The following DISP3 variants were observed in gnomAD, a reference collection of about 807,000 sequenced individuals.
The protein encoded by DISP3 is protein dispatched homolog 3.
In DISP3, 101 loss-of-function variants were observed where a neutral mutation model predicts 135.3. The observed-to-expected ratio is 0.75, with a 90% CI of 0.64 to 0.88. The LOEUF is 0.88. DISP3 is among the 40% of genes least tolerant of loss of function. The pLI, the probability that DISP3 is intolerant of heterozygous loss-of-function variation, is 0.00. For synonymous variants in DISP3, 856 were observed against 817.0 expected, an observed-to-expected ratio of 1.05 and a Z score of -0.81; for missense variants, 1,713 against 1,878.6, an observed-to-expected ratio of 0.91 and a Z score of 1.63.
chr1:11,503,970 C>A (rs1367280071), intron 3 of DISP3, among the ~76,000 whole-genome samples: 2 of 152,234 alleles, frequency 1.3e-5, no homozygotes, highest in East Asian at 3.9e-4. Flanking sequence ...GGTCCCTCCC[C>A]ACCAGAACAG....
intron 2 of DISP3, among the ~76,000 whole-genome samples, chr1:11,502,393 G>C (rs1030780188): frequency 2.6e-5 from 4 of 152,210 alleles, no homozygotes; most frequent in African/African-American, 9.6e-5. Context: ...AAAAGGGCCA[G>C]GATGTGGTTA....
At chr1:11,502,940 G>T (rs1641593187) in intron 3 of DISP3, 43 bp downstream of exon 3, 2 of 1,510,768 alleles carry the variant, frequency 1.3e-6, no homozygotes, top group East Asian at 2.3e-5. Flanking sequence ...GCCCATTTTT[G>T]ATTTCCAATT....
chr1:11,534,408 C>A lies in DISP3; in HGVS notation c.3403C>A (p.Gln1135Lys). Reference sequence around the variant, plus strand: ...CACGTACAAGGGCAAATCCTCCTTCCAGACCTACTCGGACTACCTGCGCTG... The same window carrying A: ...CACGTACAAGGGCAAATCCTCCTTCAAGACCTACTCGGACTACCTGCGCTG... ...STTYKGKSSFQTYSDYLRWES... is the reference protein window; with the variant it reads ...STTYKGKSSFKTYSDYLRWES... Residue 1135 changes from glutamine to lysine, a missense_variant, in exon 18 of 21, where the codon CAG becomes AAG. Gln to Lys is a moderately conservative substitution (Grantham distance 53, BLOSUM62 1). Transcript: ENST00000294484. 1.2e-6 allele frequency: 2 copies of A among 1,614,260 alleles called. No individual in the cohort carries two copies. The highest frequency in any genetic ancestry group is 1.7e-6 in the Non-Finnish European group (2 of 1,180,050).
rs191217092 is a variant in DISP3 at position 11,495,464 on chromosome 1, C to T, written c.-3-5526C>T. On this transcript the variant is annotated intron_variant, in intron 1 of 20. Transcript: ENST00000294484. ...TTTGAGTCCAGAAGCCATCTCACCC[C>T]AGGTCTGGTTGTTTCCTGGGGCTGC... is the stretch of plus-strand genomic sequence containing the variant. 1.2e-3 allele frequency among the ~76,000 whole-genome samples: 190 copies of T among 152,324 alleles called. 4 individuals are homozygous for T. In the South Asian group the frequency reaches 0.033, roughly 26 times the overall value.
At chr1:11,488,631 G>T (rs2100363852) in intron 1 of DISP3, among the ~76,000 whole-genome samples, 1 of 115,480 alleles carries the variant, frequency 8.7e-6, no homozygotes, top group African/African-American at 3.4e-5. Flanking sequence ...GCTGAGGGCA[G>T]ATGCTCTGTG....
rs1403873310 is a variant in DISP3, at chr1:11,519,821, A to C, written c.2141A>C (p.Gln714Pro). 1.2e-6 allele frequency: 2 copies of C among 1,612,590 alleles called. No individual in the cohort carries two copies. The highest frequency in any genetic ancestry group is 1.7e-6 in the Non-Finnish European group (2 of 1,179,912). The change falls in exon 9 of 21, where the codon CAG becomes CCG. Residue 714 changes from glutamine (Q) to proline (P), a missense_variant. Transcript: ENST00000294484. This position sits in a 1 kb window ranked among gnomAD's most constrained non-coding sequence, Gnocchi z 4.3. ...CGCGGCCATCTCATCGTGCAGCTGC[A>C]GGAGCTGCTGCACCACTGGGTCCTG... is the stretch of plus-strand genomic sequence containing the variant. ...GSRGHLIVQL[Q>P]ELLHHWVLWS...
At chr1:11,480,205 C>A (rs1054425631) in intron 1 of DISP3, among the ~76,000 whole-genome samples, 26 of 152,102 alleles carry the variant, frequency 1.7e-4, no homozygotes, top group African/African-American at 5.3e-4. Flanking sequence ...TTCCCGCTGT[C>A]CCCCACTCAC....
chr1:11,535,460 C>A lies in DISP3; in HGVS notation c.3650-18C>A, dbSNP rs72636810. The stretch of plus-strand genomic sequence containing the variant: ...AGGGCGGGGGATCCGAGCTGCCCCC[C>A]CTGCTGTCTCCTTGCAGGCATCGTG... On this transcript the variant is annotated intron_variant, in intron 19 of 20. Coordinates refer to ENST00000294484, the MANE Select transcript of DISP3 (RefSeq NM_020780.2). The A allele has an allele frequency of 5.8e-5, 92 of 1,593,246 alleles. No homozygotes were observed. The highest frequency in any genetic ancestry group is 4.7e-4 in the South Asian group (42 of 89,934).
At chr1:11,486,923 C>T (rs956177398) in intron 1 of DISP3, among the ~76,000 whole-genome samples, 1 of 152,200 alleles carries the variant, frequency 6.6e-6, no homozygotes, top group Non-Finnish European at 1.5e-5. Flanking sequence ...AAGTGATCTG[C>T]CTGCCTTGGC....
In DISP3 at chr1:11,536,132, A is replaced by T. The variant is rs1344855583; in HGVS notation, c.3817-192A>T. ...CTCAGTTACACAGGACCTACTGTGCAGACCCTCGCGTCCTGTTGCCATAGC... is the reference window on the plus strand; with the variant it reads ...CTCAGTTACACAGGACCTACTGTGCTGACCCTCGCGTCCTGTTGCCATAGC... On this transcript the variant is annotated intron_variant, in intron 20 of 20. Transcript: ENST00000294484. The surrounding 1 kb of genome is among the most constrained non-coding windows in gnomAD (Gnocchi z 4.3). Among the ~76,000 whole-genome samples, 1 of 152,202 alleles carries T rather than the reference A, an allele frequency of 6.6e-6. No individual in the cohort carries two copies. Among genetic ancestry groups the T allele is most frequent in the Non-Finnish European group, 1.5e-5 (1 of 68,026 alleles).
At chr1:11,488,035 C>T (rs1474157679) in intron 1 of DISP3, among the ~76,000 whole-genome samples, 1 of 152,170 alleles carries the variant, frequency 6.6e-6, no homozygotes, top group African/African-American at 2.4e-5. Context: ...CTTTGGATAA[C>T]ACTCCACCAT....
intron 1 of DISP3, chr1:11,482,033 A>G (rs2100345224): frequency 6.6e-6 from 1 of 152,376 alleles, no homozygotes; most frequent in Admixed American, 6.5e-5. Flanking sequence ...TGAATGGACA[A>G]ATGAATGAAT....
At chr1:11,528,099 C>G (rs928421205) in intron 13 of DISP3, among the ~76,000 whole-genome samples, 3 of 152,228 alleles carry the variant, frequency 2.0e-5, no homozygotes, top group Admixed American at 6.5e-5. Flanking sequence ...TGAGTACACT[C>G]CACACTTCCT....
Position 11,485,788 on chromosome 1 carries a change from G to A in DISP3, c.-4+6416G>A, listed in dbSNP as rs140518729. Among the ~76,000 whole-genome samples the A allele has an allele frequency of 3.3e-5, 5 of 152,274 alleles. No homozygotes were observed. In the East Asian group the frequency reaches 9.7e-4, roughly 29 times the overall value. ...CATCCTCATACCTGCTCAGCAAGGG[G>A]GATAGCACTGTTATCTCCATGTTAA... On this transcript the variant is annotated intron_variant, in intron 1 of 20. Transcript: ENST00000294484.
intron 15 of DISP3, 134 bp downstream of exon 15, chr1:11,530,093 G>C (rs1642537648): frequency 1.6e-6 from 2 of 1,232,424 alleles, no homozygotes; most frequent in South Asian, 3.1e-5. Flanking sequence ...AACCCAGACA[G>C]AACCCCTATG....
At position 11,501,892 on chromosome 1, in the gene DISP3, G is replaced by T. The variant is rs1641545647; in HGVS notation, c.900G>T (p.Glu300Asp). The T allele has an allele frequency of 6.2e-7, 1 of 1,613,296 alleles. No individual in the cohort carries two copies. Among genetic ancestry groups the T allele is most frequent in the African/African-American group, 1.3e-5 (1 of 74,958 alleles). Residue 300 changes from glutamate to aspartate, a missense_variant, in exon 2 of 21, where the codon GAG becomes GAT. Coordinates refer to ENST00000294484, the MANE Select transcript of DISP3 (RefSeq NM_020780.2). This position sits in a 1 kb window ranked among gnomAD's most constrained non-coding sequence, Gnocchi z 4.9. ...FTSERLVTIH[E>D]IERKIMDHPG... ...GTGAGCGCCTGGTCACGATCCATGAGATCGAGCGCAAGATCATGGACCACC... is the reference window on the plus strand; with the variant it reads ...GTGAGCGCCTGGTCACGATCCATGATATCGAGCGCAAGATCATGGACCACC...
chr1:11,522,161 C>T lies in DISP3; in HGVS notation c.2362+1313C>T, dbSNP rs190167128. The stretch of plus-strand genomic sequence containing the variant: ...CCGCATTTTACAGAGGGGGAGCAGG[C>T]GAAGTCAACCCAAGGTCATCTGACT... On this transcript the variant is annotated intron_variant, in intron 10 of 20. Transcript: ENST00000294484. Among the ~76,000 whole-genome samples the T allele has an allele frequency of 1.1e-4, 17 of 152,256 alleles. No homozygotes were observed. In the East Asian group the frequency reaches 2.9e-3, roughly 26 times the overall value.
chr1:11,517,574 G>A lies in DISP3; in HGVS notation c.1861G>A (p.Ala621Thr), dbSNP rs763491363. ...TCTGGGCCTCTGGAGCCTCTACCTG[G>A]CACCACTGGAGAGCTCCTGCCAGAC... ...AALGLWSLYL[A>T]PLESSCQTSC... Residue 621 changes from alanine (A) to threonine (T), a missense_variant, in exon 7 of 21, where the codon GCA becomes ACA. Transcript: ENST00000294484. The A allele has an allele frequency of 8.1e-6, 13 of 1,613,950 alleles. No individual in the cohort carries two copies. In the South Asian group the frequency reaches 1.4e-4, roughly 18 times the overall value.
chr1:11,535,620 G>C lies in DISP3; in HGVS notation c.3792G>C (p.Glu1264Asp). The change falls in exon 20 of 21, where the codon GAG becomes GAC. Residue 1264 changes from glutamate to aspartate, a missense_variant. This residue lies in a region of DISP3 where 1,142 missense variants were observed against 1,384.6 expected (regional missense o/e 0.82). Transcript: ENST00000294484. Reference sequence around the variant, plus strand: ...TCGAGGGCTACCTGCTGGCTGGAGAGAACCTGCCCCCCCACCAGGCCGAGG... The same window carrying C: ...TCGAGGGCTACCTGCTGGCTGGAGACAACCTGCCCCCCCACCAGGCCGAGG... ...HLVEGYLLAG[E>D]NLPPHQAEDA... The C allele has an allele frequency of 6.2e-7, 1 of 1,612,832 alleles. No homozygotes were observed. The highest frequency in any genetic ancestry group is 1.3e-5 in the African/African-American group (1 of 74,996).
Sources: gnomAD v4.1 joint callset for allele counts (sites outside exome capture counted in the v4.1 genomes callset) on GRCh38, gnomAD v4.1.1 for gene constraint, gnomAD v4.1.1 regional missense constraint, Gnocchi (gnomAD v3.1) non-coding constraint, MANE v1.5 for transcripts, NCBI Gene and HGNC (gene_info 2026-07-23, HGNC 2026-07-21) for gene names.